The following JAK3 variants were observed in gnomAD, a reference collection of about 807,000 sequenced individuals.
JAK3 encodes Janus kinase 3.
A neutral mutation model predicts 120.8 loss-of-function variants in JAK3; 88 were observed. The observed-to-expected ratio is 0.73, with a 90% CI of 0.61 to 0.87. The LOEUF is 0.87. Ranked by LOEUF, JAK3 falls within the 40% of genes least tolerant of loss-of-function variation. The probability of loss-of-function intolerance (pLI) is 0.00; values close to 1 mark genes in which losing one functional copy is unlikely to be tolerated. For missense variants in JAK3, 1,254 were observed against 1,501.4 expected (o/e 0.84, Z 2.72); for synonymous variants, 592 against 628.6 (o/e 0.94, Z 0.87).
At chr19:17,846,168 C>T (rs3213404) in intron 1 of JAK3, among the ~76,000 whole-genome samples, 228 of 152,224 alleles carry the variant, frequency 1.5e-3, no homozygotes, top group Admixed American at 3.7e-3. Flanking sequence ...ACTCAGCTTT[C>T]GCAGCTGTGA....
rs143024051 is a variant in JAK3, at chr19:17,845,253, C to T, written c.-13-823G>A. 6.4e-3 allele frequency among the ~76,000 whole-genome samples: 966 copies of T among 152,054 alleles called. 10 individuals are homozygous for T. Among genetic ancestry groups the T allele is most frequent in the African/African-American group, 0.022 (921 of 41,472 alleles). On this transcript the variant is annotated intron_variant, in intron 1 of 23. Transcript: ENST00000458235. ...CGCAATCTCAGCTCACTGCAACCTC[C>T]GCCTCCCAAGTTCAAGAGATTCTCG...
intron 9 of JAK3, 33 bp downstream of exon 9, chr19:17,840,197 G>T: frequency 7.0e-7 from 1 of 1,423,180 alleles, no homozygotes; most frequent in Non-Finnish European, 9.9e-7. Flanking sequence ...CCTCCAGGCA[G>T]CCCTCCACTA....
chr19:17,832,962 G>T lies in JAK3; in HGVS notation c.2351-33C>A. 1 of 1,598,004 alleles carries T rather than the reference G, an allele frequency of 6.3e-7. No individual in the cohort carries two copies. The highest frequency in any genetic ancestry group is 8.5e-7 in the Non-Finnish European group (1 of 1,172,218). ...GGGGGCATGGGCAGTGGTAAGCAGC[G>T]CCTCTCATCCTGGGCCCCACTCCTG... On this transcript the variant is annotated intron_variant, in intron 17 of 23. Coordinates refer to ENST00000458235, the MANE Select transcript of JAK3 (RefSeq NM_000215.4). The surrounding 1 kb of genome is among the most constrained non-coding windows in gnomAD (Gnocchi z 4.7).
chr19:17,831,354 G>A lies in JAK3; in HGVS notation c.2852C>T (p.Ala951Val), dbSNP rs2147675943. The A allele has an allele frequency of 6.2e-7, 1 of 1,609,946 alleles. No individual in the cohort carries two copies. Residue 951 changes from alanine to valine, a missense_variant, in exon 21 of 24, where the codon GCC becomes GTC. Ala to Val is a moderately conservative substitution (Grantham distance 64). Transcript: ENST00000458235. This position sits in a 1 kb window ranked among gnomAD's most constrained non-coding sequence, Gnocchi z 5.1. The part of the protein sequence containing the change: ...GSRRCVHRDL[A>V]ARNILVESEA... ...GCTCTCCACGAGGATGTTTCGGGCG[G>A]CCAGGTCGCGGTGCACGCAGCGGCG...
At chr19:17,834,530 G>C (rs1568402609) in intron 17 of JAK3, 41 bp downstream of exon 17, 2 of 1,612,168 alleles carry the variant, frequency 1.2e-6, no homozygotes, top group South Asian at 2.2e-5. Flanking sequence ...GGCCCAATAT[G>C]ACATCACAGC....
chr19:17,844,529 T>C (rs2094247790), intron 1 of JAK3, 99 bp from the exon 2 acceptor site: 3 of 1,083,898 alleles, frequency 2.8e-6, no homozygotes, highest in Non-Finnish European at 4.0e-6. Context: ...CCGGGTGCGG[T>C]GGCTTATGCC....
intron 1 of JAK3, among the ~76,000 whole-genome samples, chr19:17,845,124 C>T (rs188332726): frequency 2.0e-5 from 3 of 152,284 alleles, no homozygotes; most frequent in Admixed American, 2.0e-4. Context: ...CCATCATTTC[C>T]GGAGGCCAAG....
Position 17,841,446 on chromosome 19 carries a change from T to A in JAK3, c.1085A>T (p.Glu362Val), listed in dbSNP as rs200193654. The A allele has an allele frequency of 5.1e-6, 8 of 1,555,250 alleles. No homozygotes were observed. In the South Asian group the frequency reaches 9.5e-5, roughly 18 times the overall value. ...CTCCAGCAGCCTCGGCGGTGCCACC[T>A]CCTTGCAGAAGAAGTGCTGGGAGTC... ...TTDSQHFFCKEVAPPRLLEEV... is the reference protein window; with the variant it reads ...TTDSQHFFCKVVAPPRLLEEV... Residue 362 changes from glutamate to valine, a missense_variant, in exon 8 of 24, where the codon GAG (glutamate) becomes GTG (valine). Physicochemically the swap from Glu to Val is moderately radical, Grantham distance 121. This residue lies in a region of JAK3 where 486 missense variants were observed against 503.0 expected (regional missense o/e 0.97). Transcript: ENST00000458235. This position sits in a 1 kb window ranked among gnomAD's most constrained non-coding sequence, Gnocchi z 4.1.
Position 17,830,216 on chromosome 19 carries a change from C to T in JAK3, c.3099G>A (p.Glu1033=), listed in dbSNP as rs1358420361. The change falls in exon 23 of 24, where the codon GAG becomes GAA. Residue 1033 remains glutamate (E), a splice_region_variant and synonymous_variant. Coordinates refer to ENST00000458235, the MANE Select transcript of JAK3 (RefSeq NM_000215.4). ...GCTCACATCCCATCATCCGCAGGAA[C>T]TCCTGGAGCCAAGGAGGAGCGCATG... ...YCDKSCSPSA[E]FLRMMGCERD... is the part of the protein sequence containing the mutation. The T allele has an allele frequency of 6.4e-7, 1 of 1,569,334 alleles. No homozygotes were observed. Among genetic ancestry groups the T allele is most frequent in the South Asian group, 1.2e-5 (1 of 85,366 alleles).
chr19:17,829,134 A>C lies in JAK3; in HGVS notation c.3207+974T>G, dbSNP rs186891309. Among the ~76,000 whole-genome samples the C allele has an allele frequency of 6.4e-3, 977 of 151,878 alleles. 12 individuals are homozygous for C. The highest frequency in any genetic ancestry group is 6.1e-3 in the Non-Finnish European group (417 of 67,952). ...CATAGCGAGACCTTGTCTCTTAAAA[A>C]AATTATTTTTATCTTATTTGTTTGT... On this transcript the variant is annotated intron_variant, in intron 23 of 23. Coordinates refer to ENST00000458235, the MANE Select transcript of JAK3 (RefSeq NM_000215.4).
At chr19:17,829,771 G>GAA (rs59186613) in intron 23 of JAK3, 108 of 380,466 alleles carry the variant, frequency 2.8e-4, no homozygotes, top group East Asian at 5.9e-4. Flanking sequence ...AAGAAAGAAA[G>GAA]AAAAAAAAAA....
chr19:17,834,303 C>T (rs538305495), intron 17 of JAK3, among the ~76,000 whole-genome samples: 18 of 151,992 alleles, frequency 1.2e-4, no homozygotes, highest in African/African-American at 2.9e-4. Flanking sequence ...TGCAGTGAGC[C>T]GAAATTGTGC....
intron 1 of JAK3, among the ~76,000 whole-genome samples, chr19:17,846,968 G>A (rs2094253656): frequency 6.6e-6 from 1 of 152,008 alleles, no homozygotes; most frequent in African/African-American, 2.4e-5. Context: ...CATGATCTCG[G>A]CTCACTGCAA....
chr19:17,832,570 C>T lies in JAK3; in HGVS notation c.2629G>A (p.Ala877Thr). 1 of 1,614,238 alleles carries T rather than the reference C, an allele frequency of 6.2e-7. No individual in the cohort carries two copies. Among genetic ancestry groups the T allele is most frequent in the Non-Finnish European group, 8.5e-7 (1 of 1,180,052 alleles). Reference sequence around the variant, plus strand: ...TTGACAATGAAATCACTGTGCAGTGCTTTGAGGATCTGAATCTCCCGCTGA... The same window carrying T: ...TTGACAATGAAATCACTGTGCAGTGTTTTGAGGATCTGAATCTCCCGCTGA... ...DFQREIQILK[A>T]LHSDFIVKYR... Residue 877 changes from alanine (A) to threonine (T), a missense_variant, in exon 19 of 24, where the codon GCA becomes ACA. This residue lies in a region of JAK3 where 630 missense variants were observed against 819.8 expected (regional missense o/e 0.77). Transcript: ENST00000458235. The surrounding 1 kb of genome is among the most constrained non-coding windows in gnomAD (Gnocchi z 4.7).
In JAK3 at chr19:17,831,450, C is replaced by T. The variant is rs2147676168; in HGVS notation, c.2806-50G>A. The T allele has an allele frequency of 6.3e-7, 1 of 1,596,976 alleles. No individual in the cohort carries two copies. The highest frequency in any genetic ancestry group is 8.5e-7 in the Non-Finnish European group (1 of 1,178,030). The stretch of plus-strand genomic sequence containing the variant: ...CAGAGAGGATCCCAGGATAATCCGG[C>T]AGGTACCCCAAGCGTGACCTGGCAC... On this transcript the variant is annotated intron_variant, in intron 20 of 23. Coordinates refer to ENST00000458235, the MANE Select transcript of JAK3 (RefSeq NM_000215.4). This position sits in a 1 kb window ranked among gnomAD's most constrained non-coding sequence, Gnocchi z 5.1.
chr19:17,831,299 GC>G lies in JAK3; in HGVS notation c.2906del (p.Gly969AlafsTer2). 6.2e-7 allele frequency: 1 copy of G among 1,612,778 alleles called. No individual in the cohort carries two copies. The highest frequency in any genetic ancestry group is 8.5e-7 in the Non-Finnish European group (1 of 1,179,858). On this transcript the variant is annotated frameshift_variant, in exon 21 of 24. Transcript: ENST00000458235. LOFTEE classifies it high-confidence loss of function. The surrounding 1 kb of genome is among the most constrained non-coding windows in gnomAD (Gnocchi z 5.1). Reference protein sequence around the residue: ...SEAHVKIADFGLAKLLPLDKD... With the variant: ...SEAHVKIADFXLAKLLPLDKD... ...TGTCAAGCGGCAGCAGCTTAGCTAG[GC>G]CGAAGTCAGCGATCTTGACGTGTGC...
rs896905338 is a variant in JAK3 at position 17,836,009 on chromosome 19, A to G, written c.1829T>C (p.Met610Thr). 6.8e-6 allele frequency: 11 copies of G among 1,614,056 alleles called. No individual in the cohort carries two copies. The highest frequency in any genetic ancestry group is 8.5e-6 in the Non-Finnish European group (10 of 1,180,018). Residue 610 changes from methionine to threonine, a missense_variant, in exon 14 of 24, where the codon ATG (methionine) becomes ACG (threonine). This residue lies in a region of JAK3 where 630 missense variants were observed against 819.8 expected (regional missense o/e 0.77). Transcript: ENST00000458235. ...QEFVHLGAID[M>T]YLRKRGHLVP... ...CAGGTGGCCACGTTTTCGCAGATAC[A>G]TGTCTATGGCCCCCAGGTGTACAAA... is the stretch of plus-strand genomic sequence containing the variant.
At chr19:17,838,536 T>C in intron 10 of JAK3, 146 bp from the exon 11 acceptor site, 2 of 908,696 alleles carry the variant, frequency 2.2e-6, no homozygotes, top group Non-Finnish European at 3.5e-6. Flanking sequence ...TTGTTGTTGT[T>C]TTTGTTTTGT....
chr19:17,847,887 CG>C, intron 1 of JAK3, 58 bp downstream of exon 1: 11 of 860,324 alleles, frequency 1.3e-5, no homozygotes, highest in Non-Finnish European at 1.3e-5. Context: ...AGCCATCCCC[CG>C]CCACCACCAT....
Sources: gnomAD v4.1 joint callset for allele counts (sites outside exome capture counted in the v4.1 genomes callset) on GRCh38, gnomAD v4.1.1 for gene constraint, gnomAD v4.1.1 regional missense constraint, Gnocchi (gnomAD v3.1) non-coding constraint, MANE v1.5 for transcripts, NCBI Gene and HGNC (gene_info 2026-07-23, HGNC 2026-07-21) for gene names.